ASIC2: variants seen among roughly 807,000 people sequenced by gnomAD.
The protein encoded by ASIC2 is acid sensing ion channel subunit 2, also known as acid-sensing ion channel 2.
A neutral mutation model predicts 57.3 loss-of-function variants in ASIC2; 25 were observed. The ratio of observed to expected loss-of-function variants is 0.44; its 90% CI spans 0.32 to 0.61. The LOEUF (loss-of-function observed/expected upper bound fraction) is 0.61, where lower values mean the gene tolerates loss of function less well. ASIC2 is among the 20% of genes least tolerant of loss of function. The pLI is 0.06. For synonymous variants in ASIC2, 319 were observed against 307.5 expected (o/e 1.04, Z -0.39); for missense variants, 641 against 738.1 (o/e 0.87, Z 1.52).
At chr17:33,183,516 AG>A (rs1906068219) in intron 1 of ASIC2, among the ~76,000 whole-genome samples, 1 of 152,212 alleles carries the variant, frequency 6.6e-6, no homozygotes. Context: ...GTTTAGAAAA[AG>A]GATACTGGTT....
chr17:33,353,331 A>G (rs901415452), intron 1 of ASIC2, among the ~76,000 whole-genome samples: 18 of 151,778 alleles, frequency 1.2e-4, no homozygotes, highest in Admixed American at 1.3e-4. Context: ...ATAAGTCTCT[A>G]TCTATTCTTT....
At chr17:34,155,796 G>A (rs1023200436) in intron 1 of ASIC2, 1 of 656,456 alleles carries the variant, frequency 1.5e-6, no homozygotes. Flanking sequence ...CTCTATCCTG[G>A]CCGGTAGCCT....
intron 1 of ASIC2, among the ~76,000 whole-genome samples, chr17:33,370,986 A>ATT (rs1909037611): frequency 2.2e-5 from 2 of 90,574 alleles, no homozygotes; most frequent in Admixed American, 2.3e-4. Context: ...TAAGAGGAGG[A>ATT]ACACGCCCAC....
At chr17:33,324,959 C>A (rs1567823439) in intron 1 of ASIC2, among the ~76,000 whole-genome samples, 2 of 152,156 alleles carry the variant, frequency 1.3e-5, no homozygotes, top group African/African-American at 4.8e-5. Flanking sequence ...CTGCCCAGTC[C>A]AGAGCCACAA....
chr17:33,307,691 C>T (rs1336467663), intron 1 of ASIC2, among the ~76,000 whole-genome samples: 1 of 152,208 alleles, frequency 6.6e-6, no homozygotes, highest in Non-Finnish European at 1.5e-5. Flanking sequence ...ATTAATCACT[C>T]CTTCTTTTCT....
chr17:34,057,480 T>C lies in ASIC2; in HGVS notation c.555+98498A>G, dbSNP rs1318704433. Among the ~76,000 whole-genome samples, 4 of 152,276 alleles carry C rather than the reference T, an allele frequency of 2.6e-5. No homozygotes were observed. The East Asian group carries it at 7.7e-4, about 29-fold the overall frequency. On this transcript the variant is annotated intron_variant, in intron 1 of 9. Transcript: ENST00000359872. ...TGAGTGCCTGTCTGATGATGGGACT[T>C]GGTGCAATTATGGCTGCAATGGGAG... is the stretch of plus-strand genomic sequence containing the variant.
At chr17:33,328,741 A>T (rs1202283865) in intron 1 of ASIC2, among the ~76,000 whole-genome samples, 1 of 152,204 alleles carries the variant, frequency 6.6e-6, no homozygotes, top group African/African-American at 2.4e-5. Flanking sequence ...CTAAAAAATA[A>T]AACCCTCGTC....
At chr17:33,282,479 G>GTGCGCT (rs60306460) in intron 1 of ASIC2, among the ~76,000 whole-genome samples, 2 of 147,018 alleles carry the variant, frequency 1.4e-5, no homozygotes, top group African/African-American at 5.1e-5. Flanking sequence ...GTGTGTGCTT[G>GTGCGCT]TGTGTGTGTG....
rs1911572931 is a variant in ASIC2, at chr17:33,435,387, AC to A, written c.556-323321del. 2.0e-5 allele frequency among the ~76,000 whole-genome samples: 3 copies of A among 152,370 alleles called. No homozygotes were observed. In the South Asian group the frequency reaches 6.2e-4, roughly 32 times the overall value. On this transcript the variant is annotated intron_variant, in intron 1 of 9. Transcript: ENST00000359872. ...CAAAAACCACCATAATCTAAAGGAT[AC>A]AGGTACCAACTGAAAAAGCATCCAC...
intron 1 of ASIC2, among the ~76,000 whole-genome samples, chr17:33,384,074 C>T (rs996623466): frequency 6.6e-6 from 1 of 152,168 alleles, no homozygotes; most frequent in African/African-American, 2.4e-5. Flanking sequence ...CTGTCAGCAC[C>T]TGGAATGGGA....
At chr17:33,781,725 T>C (rs1362268607) in intron 1 of ASIC2, among the ~76,000 whole-genome samples, 1 of 152,096 alleles carries the variant, frequency 6.6e-6, no homozygotes, top group Non-Finnish European at 1.5e-5. Context: ...CCGCTGACAG[T>C]CTTTGCTGTC....
At chr17:33,482,476 T>C (rs919261167) in intron 1 of ASIC2, among the ~76,000 whole-genome samples, 3 of 152,258 alleles carry the variant, frequency 2.0e-5, no homozygotes, top group African/African-American at 7.2e-5. Flanking sequence ...TCCCCTATCT[T>C]GTGCCAATTC....
At chr17:33,062,138 G>A (rs2092023338) in intron 3 of ASIC2, among the ~76,000 whole-genome samples, 1 of 152,096 alleles carries the variant, frequency 6.6e-6, no homozygotes, top group South Asian at 2.1e-4. Flanking sequence ...ATTTTTTGAA[G>A]GGTTTTTTGT....
intron 1 of ASIC2, among the ~76,000 whole-genome samples, chr17:33,939,478 G>A (rs1916138009): frequency 1.3e-5 from 2 of 152,248 alleles, no homozygotes; most frequent in Non-Finnish European, 2.9e-5. Context: ...AAGCATGTCA[G>A]CTGAGAAAGC....
intron 1 of ASIC2, among the ~76,000 whole-genome samples, chr17:33,893,319 T>A (rs1348938317): frequency 6.6e-6 from 1 of 152,216 alleles, no homozygotes; most frequent in Non-Finnish European, 1.5e-5. Context: ...GGAGCTGTAA[T>A]GAGTAACACA....
chr17:33,546,706 C>T (rs1219622800), intron 1 of ASIC2, among the ~76,000 whole-genome samples: 1 of 152,136 alleles, frequency 6.6e-6, no homozygotes, highest in African/African-American at 2.4e-5. Flanking sequence ...TTCTGTCCCT[C>T]AAGTTACCTC....
At chr17:33,699,999 A>C (rs34094885) in intron 1 of ASIC2, among the ~76,000 whole-genome samples, 5,326 of 152,046 alleles carry the variant, frequency 0.035, 277 homozygotes, top group African/African-American at 0.12. Context: ...GGAAAAAAAA[A>C]CCCTGAAAAC....
At chr17:33,130,477 A>G (rs2092341363) in intron 1 of ASIC2, among the ~76,000 whole-genome samples, 1 of 152,222 alleles carries the variant, frequency 6.6e-6, no homozygotes, top group African/African-American at 2.4e-5. Context: ...TAATTATTAA[A>G]TGAAGATGAA....
intron 1 of ASIC2, among the ~76,000 whole-genome samples, chr17:34,054,941 C>G (rs1908710599): frequency 6.6e-6 from 1 of 152,064 alleles, no homozygotes; most frequent in Non-Finnish European, 1.5e-5. Context: ...ACTTAAAGCA[C>G]AAGAAGAAAA....
Sources: gnomAD v4.1 joint callset for allele counts (sites outside exome capture counted in the v4.1 genomes callset) on GRCh38, gnomAD v4.1.1 for gene constraint, MANE v1.5 for transcripts, NCBI Gene and HGNC (gene_info 2026-07-23, HGNC 2026-07-21) for gene names.